SAP130: variants seen among roughly 807,000 people sequenced by gnomAD.
SAP130 encodes the protein Sin3A associated protein 130, also known as histone deacetylase complex subunit SAP130.
A neutral mutation model predicts 103.2 loss-of-function variants in SAP130; 16 were observed. The observed-to-expected ratio is 0.16, with a 90% CI of 0.10 to 0.24. SAP130 has a LOEUF of 0.24. Ranked by LOEUF, SAP130 falls within the 10% of genes least tolerant of loss-of-function variation. The pLI, the probability that SAP130 is intolerant of heterozygous loss-of-function variation, is 1.00. For synonymous variants in SAP130, 477 were observed against 497.0 expected, an observed-to-expected ratio of 0.96 and a Z score of 0.53; for missense variants, 990 against 1,359.7, an observed-to-expected ratio of 0.73 and a Z score of 4.28.
chr2:127,989,679 T>C lies in SAP130; in HGVS notation c.1665A>G (p.Ile555Met), dbSNP rs1682650066. Residue 555 changes from isoleucine (I) to methionine (M), a missense_variant, in exon 13 of 21, where the codon ATA becomes ATG. This residue lies in a region of SAP130 where 349 missense variants were observed against 384.1 expected (regional missense o/e 0.91). Coordinates refer to ENST00000643581, the MANE Select transcript of SAP130 (RefSeq NM_001330301.2). This position sits in a 1 kb window ranked among gnomAD's most constrained non-coding sequence, Gnocchi z 4.6. The part of the protein sequence containing the change: ...IQPAPIGTPG[I>M]QPAPLGTQGI... Reference sequence around the variant, plus strand: ...CCTGTGTGCCAAGTGGTGCAGGCTGTATCCCTGGGGTCCCAATGGGGGCCG... The same window carrying C: ...CCTGTGTGCCAAGTGGTGCAGGCTGCATCCCTGGGGTCCCAATGGGGGCCG... 3 of 1,614,212 alleles carry C rather than the reference T, an allele frequency of 1.9e-6. No individual in the cohort carries two copies. Among genetic ancestry groups the C allele is most frequent in the East Asian group, 2.2e-5 (1 of 44,892 alleles).
chr2:127,956,887 G>A (rs1341842063), intron 15 of SAP130, among the ~76,000 whole-genome samples: 1 of 152,024 alleles, frequency 6.6e-6, no homozygotes, highest in East Asian at 1.9e-4. Context: ...CTAACCAAAG[G>A]TCACAGAAGT....
intron 6 of SAP130, among the ~76,000 whole-genome samples, chr2:128,010,939 G>A: frequency 7.2e-6 from 1 of 138,924 alleles, no homozygotes; most frequent in Non-Finnish European, 1.5e-5. Flanking sequence ...AGATACCACT[G>A]ACAAGTGTTT....
At chr2:128,018,912 G>A (rs1388367019) in intron 2 of SAP130, among the ~76,000 whole-genome samples, 3 of 151,848 alleles carry the variant, frequency 2.0e-5, no homozygotes, top group Middle Eastern at 3.2e-3. Flanking sequence ...CCTGACCAAC[G>A]TGGTGAAACC....
rs749631789 is a variant in SAP130, at chr2:127,942,547, A to G, written c.2902-10T>C. On this transcript the variant is annotated splice_polypyrimidine_tract_variant and intron_variant, in intron 19 of 20. Transcript: ENST00000643581. This position sits in a 1 kb window ranked among gnomAD's most constrained non-coding sequence, Gnocchi z 4.8. ...CATGTTCTAGATTCGTCTGCAACAC[A>G]CAAAAGGGAGGGTATCATAAGCTCG... is the stretch of plus-strand genomic sequence containing the variant. 9 of 1,494,626 alleles carry G rather than the reference A, an allele frequency of 6.0e-6. No individual in the cohort carries two copies. Among genetic ancestry groups the G allele is most frequent in the Non-Finnish European group, 8.4e-6 (9 of 1,071,540 alleles). The allele number at this position is 1,494,626 out of a possible 1,614,324, so 92.6% of individuals were successfully genotyped here.
At chr2:128,019,256 AT>A (rs535222118) in intron 2 of SAP130, among the ~76,000 whole-genome samples, 1 of 151,206 alleles carries the variant, frequency 6.6e-6, no homozygotes, top group African/African-American at 2.4e-5. Flanking sequence ...CTATTTAAAA[AT>A]TTTTTTTAAT....
At chr2:127,973,541 C>A (rs1404146937) in intron 15 of SAP130, among the ~76,000 whole-genome samples, 3 of 152,162 alleles carry the variant, frequency 2.0e-5, no homozygotes, top group Non-Finnish European at 4.4e-5. Flanking sequence ...TGCCCGGCTT[C>A]CTTCAGAATT....
chr2:127,942,792 C>T lies in SAP130; in HGVS notation c.2902-255G>A, dbSNP rs1678800037. ...TCACCTGAGGTCCAGAGTTTGAGAC[C>T]AGCCTGACCAACAAGGTGAAACGCC... On this transcript the variant is annotated intron_variant, in intron 19 of 20. Transcript: ENST00000643581. The surrounding 1 kb of genome is among the most constrained non-coding windows in gnomAD (Gnocchi z 4.8). Among the ~76,000 whole-genome samples the T allele has an allele frequency of 6.6e-6, 1 of 152,114 alleles. No individual in the cohort carries two copies. Among genetic ancestry groups the T allele is most frequent in the Non-Finnish European group, 1.5e-5 (1 of 68,032 alleles).
chr2:127,941,706 A>ACAC lies in SAP130; in HGVS notation c.*297_*299dup. On this transcript the variant is annotated 3_prime_UTR_variant, in exon 21 of 21. Transcript: ENST00000643581. ...AGTCTATAAACCGGAAGGCTGAAAAACACCAGCCAGCCATCCTTGTCATTG... is the reference window on the plus strand; with the variant it reads ...AGTCTATAAACCGGAAGGCTGAAAAACACCACCAGCCAGCCATCCTTGTCATTG... 1 of 384,870 alleles carries ACAC rather than the reference A, an allele frequency of 2.6e-6. No homozygotes were observed. The highest frequency in any genetic ancestry group is 4.6e-6 in the Non-Finnish European group (1 of 216,108). The allele number at this position is 384,870 out of a possible 1,614,324, so 23.8% of individuals were successfully genotyped here. A position where few individuals can be genotyped will look rare whatever the true frequency, so the allele number is the denominator to read the frequency against.
intron 4 of SAP130, among the ~76,000 whole-genome samples, chr2:128,015,661 G>A (rs1023269361): frequency 6.6e-6 from 1 of 152,080 alleles, no homozygotes; most frequent in Non-Finnish European, 1.5e-5. Context: ...CGCAACTAAG[G>A]CTGGGTGCGG....
intron 13 of SAP130, among the ~76,000 whole-genome samples, chr2:127,988,051 T>C (rs576006826): frequency 2.0e-5 from 3 of 152,306 alleles, no homozygotes; most frequent in Admixed American, 6.5e-5. Flanking sequence ...ATCTCTATCA[T>C]AGACATTTAG....
At chr2:128,016,850 T>C (rs1011121006) in intron 3 of SAP130, among the ~76,000 whole-genome samples, 1 of 152,220 alleles carries the variant, frequency 6.6e-6, no homozygotes, top group African/African-American at 2.4e-5. Context: ...TTCTTCTACA[T>C]GATGCTGCCT....
intron 18 of SAP130, among the ~76,000 whole-genome samples, chr2:127,946,532 GT>G (rs749332672): frequency 2.0e-5 from 3 of 151,980 alleles, no homozygotes; most frequent in East Asian, 1.9e-4. Context: ...GGGTTGAATG[GT>G]TTTCCCCCCA....
chr2:128,017,748 C>T lies in SAP130; in HGVS notation c.280G>A (p.Ala94Thr), dbSNP rs1684873899. The change falls in exon 3 of 21, where the codon GCA (alanine) becomes ACA (threonine). Residue 94 changes from alanine to threonine, a missense_variant. Ala to Thr is a moderately conservative substitution (Grantham distance 58). Transcript: ENST00000643581. ...AGGTGTGCTGGCGGGGCTGTCACTG[C>T]AACAGGTGTGGCTGATGCGACAGCA... ...HHAVASATPVAVTAPPAHLTP... is the reference protein window; with the variant it reads ...HHAVASATPVTVTAPPAHLTP... 1 of 1,614,206 alleles carries T rather than the reference C, an allele frequency of 6.2e-7. No homozygotes were observed. The highest frequency in any genetic ancestry group is 8.5e-7 in the Non-Finnish European group (1 of 1,180,040).
intron 7 of SAP130, among the ~76,000 whole-genome samples, chr2:128,002,008 C>T (rs577160713): frequency 6.6e-6 from 1 of 151,940 alleles, no homozygotes; most frequent in Admixed American, 6.6e-5. Context: ...CTGACTGCAA[C>T]CTCCACCTCC....
intron 17 of SAP130, 64 bp downstream of exon 17, chr2:127,950,096 C>A: frequency 6.2e-7 from 1 of 1,609,386 alleles, no homozygotes; most frequent in Non-Finnish European, 8.5e-7. Context: ...ATGTAACGAG[C>A]CTCTGGGTTG....
At chr2:128,014,937 T>C in intron 4 of SAP130, 23 bp from the exon 5 acceptor site, 1 of 1,593,428 alleles carries the variant, frequency 6.3e-7, no homozygotes, top group South Asian at 1.1e-5. Context: ...GGATAGAACG[T>C]TATTTTTACA....
At chr2:127,972,914 C>A (rs1681191596) in intron 15 of SAP130, among the ~76,000 whole-genome samples, 2 of 152,134 alleles carry the variant, frequency 1.3e-5, no homozygotes. Flanking sequence ...GCCGGGGTGA[C>A]TGGGCAAGAC....
intron 15 of SAP130, among the ~76,000 whole-genome samples, chr2:127,958,635 TGAGAGAGAGAGAGAGAGA>T (rs372337440): frequency 0.013 from 1,598 of 127,698 alleles, 22 homozygotes; most frequent in Middle Eastern, 0.028. Flanking sequence ...GTGAGACAGA[TGAGAGAGAGAGAGAGAGA>T]GAGAGAGAGA....
chr2:127,974,721 G>T (rs555040462), intron 15 of SAP130, among the ~76,000 whole-genome samples: 2 of 152,344 alleles, frequency 1.3e-5, no homozygotes, highest in Admixed American at 6.5e-5. Context: ...GCTGAGGCAG[G>T]AGAATCGGTT....
Sources: gnomAD v4.1 joint callset for allele counts (sites outside exome capture counted in the v4.1 genomes callset) on GRCh38, gnomAD v4.1.1 for gene constraint, gnomAD v4.1.1 regional missense constraint, Gnocchi (gnomAD v3.1) non-coding constraint, MANE v1.5 for transcripts, NCBI Gene and HGNC (gene_info 2026-07-23, HGNC 2026-07-21) for gene names.